Variants in CDS2 observed in about 807,000 individuals in gnomAD.
CDS2 encodes phosphatidate cytidylyltransferase 2.
CDS2 carries 47 observed loss-of-function variants against 59.0 expected under a neutral mutation model. The observed-to-expected ratio is 0.80, with a 90% confidence interval of 0.63 to 1.02. The LOEUF is 1.02. Among genes scored for constraint, CDS2 ranks in the 50% least tolerant of loss-of-function variants. CDS2 has a pLI of 0.00. For missense variants in CDS2, 356 were observed against 558.9 expected, an observed-to-expected ratio of 0.64 and a Z score of 3.66; for synonymous variants, 207 against 206.4, an observed-to-expected ratio of 1.00 and a Z score of -0.02.
intron 1 of CDS2, among the ~76,000 whole-genome samples, chr20:5,142,458 T>G (rs1311236039): frequency 6.6e-6 from 1 of 151,484 alleles, no homozygotes; most frequent in Non-Finnish European, 1.5e-5. Context: ...AAAAAAAAAC[T>G]TAAGGCATAT....
rs771639088 is a variant in CDS2, at chr20:5,185,737, G to A, written c.760-21G>A. ...TAGTTATCAAAACACCCTTTGCTGAGAACTTGCTCTCTGTCCACAGCTGTC... is the reference window on the plus strand; with the variant it reads ...TAGTTATCAAAACACCCTTTGCTGAAAACTTGCTCTCTGTCCACAGCTGTC... On this transcript the variant is annotated intron_variant, in intron 8 of 12. Coordinates refer to ENST00000460006, the MANE Select transcript of CDS2 (RefSeq NM_003818.4). 6 of 1,612,534 alleles carry A rather than the reference G, an allele frequency of 3.7e-6. No individual in the cohort carries two copies. In the Admixed American group the frequency reaches 1.0e-4, roughly 27 times the overall value.
chr20:5,149,726 GT>G (rs893948438), intron 1 of CDS2, among the ~76,000 whole-genome samples: 1 of 150,712 alleles, frequency 6.6e-6, no homozygotes, highest in African/African-American at 2.4e-5. Context: ...TTTGTTTTTT[GT>G]TTTTTTGAGA....
At chr20:5,178,405 A>G (rs1348534488) in intron 4 of CDS2, among the ~76,000 whole-genome samples, 2 of 152,202 alleles carry the variant, frequency 1.3e-5, no homozygotes, top group Non-Finnish European at 2.9e-5. Context: ...AGAACAGCAG[A>G]CAGGTGTGGC....
rs2091076366 is a variant in CDS2 at position 5,187,241 on chromosome 20, C to T, written c.981+402C>T. On this transcript the variant is annotated intron_variant, in intron 10 of 12. Coordinates refer to ENST00000460006, the MANE Select transcript of CDS2 (RefSeq NM_003818.4). ...AACTGCGTTAAGGCAGTGGGTTCCT[C>T]ATGCCACACACTCACAGTACAAACA... 6 of 209,888 alleles carry T rather than the reference C, an allele frequency of 2.9e-5. 1 individual carries two copies. In the South Asian group the frequency reaches 5.3e-4, roughly 19 times the overall value. 13.0% of individuals were successfully genotyped at this position (209,888 alleles called of 1,614,324 possible). A position where few individuals can be genotyped will look rare whatever the true frequency, so the allele number is the denominator to read the frequency against.
chr20:5,152,635 C>T (rs994125623), intron 1 of CDS2, among the ~76,000 whole-genome samples: 15 of 152,114 alleles, frequency 9.9e-5, no homozygotes, highest in Non-Finnish European at 1.8e-4. Flanking sequence ...CCCAGCTACT[C>T]GGGAGGCTGA....
intron 1 of CDS2, among the ~76,000 whole-genome samples, chr20:5,142,224 G>A (rs146433987): frequency 0.012 from 1,875 of 152,118 alleles, 49 homozygotes; most frequent in African/African-American, 0.041. Context: ...AGGCAGGTGG[G>A]TCAATTGAGG....
chr20:5,183,206 C>A (rs536929097), intron 7 of CDS2, 63 bp downstream of exon 7: 10 of 1,378,924 alleles, frequency 7.3e-6, no homozygotes, highest in African/African-American at 2.8e-5. Context: ...ACAGATACCC[C>A]CCTCTAAGCC....
intron 1 of CDS2, among the ~76,000 whole-genome samples, chr20:5,166,650 A>G (rs1033794954): frequency 6.6e-6 from 1 of 152,208 alleles, no homozygotes; most frequent in Non-Finnish European, 1.5e-5. Flanking sequence ...AGAGGCAGGC[A>G]TCAACCCAGG....
intron 1 of CDS2, among the ~76,000 whole-genome samples, chr20:5,128,959 A>G (rs1246987936): frequency 6.6e-6 from 1 of 152,208 alleles, no homozygotes; most frequent in African/African-American, 2.4e-5. Flanking sequence ...TGCAACATAA[A>G]GATTCTACCC....
At chr20:5,129,669 C>A (rs2090587448) in intron 1 of CDS2, among the ~76,000 whole-genome samples, 1 of 151,980 alleles carries the variant, frequency 6.6e-6, no homozygotes, top group African/African-American at 2.4e-5. Context: ...CTCAAACTCC[C>A]AACCTTAGGT....
intron 11 of CDS2, among the ~76,000 whole-genome samples, 190 bp from the exon 12 acceptor site, chr20:5,189,545 T>G (rs2091096800): frequency 6.6e-6 from 1 of 152,120 alleles, no homozygotes; most frequent in Non-Finnish European, 1.5e-5. Flanking sequence ...ATTAAGTAAA[T>G]GAAATAAGAA....
intron 2 of CDS2, among the ~76,000 whole-genome samples, chr20:5,174,507 C>T (rs893646915): frequency 1.4e-4 from 22 of 152,194 alleles, no homozygotes; most frequent in Admixed American, 7.2e-4. Context: ...GAGGCCGAGG[C>T]GGGTGGATCA....
At chr20:5,168,439 GA>G (rs11287231) in intron 1 of CDS2, among the ~76,000 whole-genome samples, 57,644 of 136,318 alleles carry the variant, frequency 0.42, 12,147 homozygotes, top group South Asian at 0.53. Flanking sequence ...AAAAAGAAAA[GA>G]AAAAAAAAAA....
chr20:5,130,276 A>G (rs2090593823), intron 1 of CDS2, among the ~76,000 whole-genome samples: 1 of 151,986 alleles, frequency 6.6e-6, no homozygotes, highest in Non-Finnish European at 1.5e-5. Context: ...TGCCCGGCCC[A>G]TAGTAAACTT....
intron 1 of CDS2, 117 bp downstream of exon 1, chr20:5,127,266 C>T: frequency 1.0e-6 from 1 of 972,224 alleles, no homozygotes; most frequent in Non-Finnish European, 1.4e-6. Flanking sequence ...CCGACGGCGG[C>T]CCCGGGCCCG....
rs1455993383 is a variant in CDS2 at position 5,193,673 on chromosome 20, A to G, written c.*3439A>G. The G allele has an allele frequency of 2.0e-5, 3 of 152,182 alleles. No individual in the cohort carries two copies. Among genetic ancestry groups the G allele is most frequent in the African/African-American group, 7.2e-5 (3 of 41,432 alleles). 9.4% of individuals were successfully genotyped at this position (152,182 alleles called of 1,614,324 possible). A position where few individuals can be genotyped will look rare whatever the true frequency, so the allele number is the denominator to read the frequency against. On this transcript the variant is annotated 3_prime_UTR_variant, in exon 13 of 13. Coordinates refer to ENST00000460006, the MANE Select transcript of CDS2 (RefSeq NM_003818.4). The stretch of plus-strand genomic sequence containing the variant: ...CCCAAAGCTCAGGTTCATCTCCACT[A>G]TTGACAGAGTCGGGTAGTGGGAGAG...
intron 1 of CDS2, among the ~76,000 whole-genome samples, chr20:5,157,287 A>G (rs2090840913): frequency 6.6e-6 from 1 of 152,190 alleles, no homozygotes; most frequent in Non-Finnish European, 1.5e-5. Flanking sequence ...TGGTAGGTGC[A>G]GACTTTGTAA....
intron 1 of CDS2, among the ~76,000 whole-genome samples, chr20:5,136,630 G>T (rs1337917755): frequency 6.6e-6 from 1 of 152,110 alleles, no homozygotes; most frequent in East Asian, 1.9e-4. Flanking sequence ...GTTAGGATTT[G>T]CTCTAGGTCC....
At chr20:5,166,355 A>G (rs925615457) in intron 1 of CDS2, among the ~76,000 whole-genome samples, 2 of 152,150 alleles carry the variant, frequency 1.3e-5, no homozygotes, top group African/African-American at 4.8e-5. Flanking sequence ...GATAAGTCAC[A>G]TAGTAGAAGG....
Sources: gnomAD v4.1 joint callset for allele counts (sites outside exome capture counted in the v4.1 genomes callset) on GRCh38, gnomAD v4.1.1 for gene constraint, MANE v1.5 for transcripts, NCBI Gene and HGNC (gene_info 2026-07-23, HGNC 2026-07-21) for gene names.